The following MB21D2 variants were observed in gnomAD, a reference collection of about 807,000 sequenced individuals.
The protein encoded by MB21D2 is nucleotidyltransferase MB21D2.
Under a neutral mutation model 33.3 loss-of-function variants are expected in MB21D2, and 9 were observed. The observed-to-expected ratio is 0.27, with a 90% CI of 0.16 to 0.47. The LOEUF (loss-of-function observed/expected upper bound fraction) is 0.47, where lower values mean the gene tolerates loss of function less well. Ranked by LOEUF, MB21D2 falls within the 20% of genes least tolerant of loss-of-function variation. The pLI is 0.99. For missense variants in MB21D2, 540 were observed against 624.6 expected (o/e 0.86, Z 1.44); for synonymous variants, 241 against 236.3 (o/e 1.02, Z -0.18).
intron 1 of MB21D2, among the ~76,000 whole-genome samples, chr3:192,846,816 T>G (rs1712688860): frequency 6.6e-6 from 1 of 152,240 alleles, no homozygotes; most frequent in African/African-American, 2.4e-5. Context: ...TCTGTGGTTT[T>G]CTTGGGGCTT....
At position 192,896,657 on chromosome 3, in the gene MB21D2, C is replaced by T. The variant is rs1208309326; in HGVS notation, c.211+20973G>A. Among the ~76,000 whole-genome samples the T allele has an allele frequency of 2.0e-5, 3 of 152,194 alleles. No homozygotes were observed. In the East Asian group the frequency reaches 5.8e-4, roughly 29 times the overall value. On this transcript the variant is annotated intron_variant, in intron 1 of 1. Coordinates refer to ENST00000392452, the MANE Select transcript of MB21D2 (RefSeq NM_178496.4). ...CAAATTTTGCCTACAAAGACATTGC[C>T]ACTGGAAACTAAGTCTTCCCCTACT...
chr3:192,808,309 T>C (rs1056519384), intron 1 of MB21D2, among the ~76,000 whole-genome samples: 6 of 151,996 alleles, frequency 3.9e-5, no homozygotes, highest in African/African-American at 1.2e-4. Flanking sequence ...ATTGAGATAA[T>C]AGCACTGAAT....
intron 1 of MB21D2, among the ~76,000 whole-genome samples, chr3:192,894,550 G>T (rs1035042720): frequency 1.3e-5 from 2 of 152,106 alleles, no homozygotes; most frequent in African/African-American, 4.8e-5. Flanking sequence ...ATTTTAATAG[G>T]GAGGCAACAG....
At chr3:192,840,661 GA>G (rs1712550865) in intron 1 of MB21D2, among the ~76,000 whole-genome samples, 1 of 151,866 alleles carries the variant, frequency 6.6e-6, no homozygotes, top group Non-Finnish European at 1.5e-5. Flanking sequence ...GACTTAATGA[GA>G]AAAAAACTGC....
chr3:192,899,576 C>T (rs780307245), intron 1 of MB21D2, among the ~76,000 whole-genome samples: 3 of 151,960 alleles, frequency 2.0e-5, no homozygotes, highest in Admixed American at 6.6e-5. Flanking sequence ...TGGGTTCAGG[C>T]GTACTTAAAG....
rs1490206304 is a variant in MB21D2, at chr3:192,797,790, A to G, written c.*596T>C. 5 of 152,684 alleles carry G rather than the reference A, an allele frequency of 3.3e-5. No homozygotes were observed. The highest frequency in any genetic ancestry group is 7.3e-5 in the Non-Finnish European group (5 of 68,082). The allele number at this position is 152,684 out of a possible 1,614,324, so 9.5% of individuals were successfully genotyped here. A position where few individuals can be genotyped will look rare whatever the true frequency, so the allele number is the denominator to read the frequency against. The stretch of plus-strand genomic sequence containing the variant: ...TCTGATTTGAGGACAATTACATTCA[A>G]TGAAGTTGCTCCAAAACACAATTTG... On this transcript the variant is annotated 3_prime_UTR_variant, in exon 2 of 2. Transcript: ENST00000392452.
intron 1 of MB21D2, among the ~76,000 whole-genome samples, chr3:192,852,705 G>A (rs763027770): frequency 6.6e-6 from 1 of 152,176 alleles, no homozygotes; most frequent in Non-Finnish European, 1.5e-5. Flanking sequence ...TAACATAATT[G>A]AGAGGTGGAT....
chr3:192,859,936 G>A (rs1212422763), intron 1 of MB21D2, among the ~76,000 whole-genome samples: 1 of 152,220 alleles, frequency 6.6e-6, no homozygotes, highest in Non-Finnish European at 1.5e-5. Flanking sequence ...TGTCTGAAAT[G>A]TAAGATGCAT....
At chr3:192,897,687 C>T (rs146200519) in intron 1 of MB21D2, among the ~76,000 whole-genome samples, 6 of 152,130 alleles carry the variant, frequency 3.9e-5, no homozygotes, top group Admixed American at 6.6e-5. Context: ...CCAAATCTGA[C>T]GTATGTAAAA....
intron 1 of MB21D2, among the ~76,000 whole-genome samples, chr3:192,874,665 C>T (rs1713390353): frequency 1.3e-5 from 2 of 152,176 alleles, no homozygotes; most frequent in African/African-American, 4.8e-5. Flanking sequence ...AGCTCCTTGC[C>T]CTGGAAAGCT....
At chr3:192,891,132 G>A (rs890344922) in intron 1 of MB21D2, among the ~76,000 whole-genome samples, 2 of 152,098 alleles carry the variant, frequency 1.3e-5, no homozygotes, top group Non-Finnish European at 2.9e-5. Flanking sequence ...CATTAATTGG[G>A]TGAGTCATTT....
At chr3:192,901,700 A>C (rs1457101531) in intron 1 of MB21D2, among the ~76,000 whole-genome samples, 1 of 152,224 alleles carries the variant, frequency 6.6e-6, no homozygotes, top group East Asian at 1.9e-4. Flanking sequence ...AGGGTCACTC[A>C]CAGCACTAAA....
intron 1 of MB21D2, among the ~76,000 whole-genome samples, chr3:192,854,609 G>C (rs1207483101): frequency 2.0e-5 from 3 of 152,214 alleles, no homozygotes; most frequent in African/African-American, 4.8e-5. Context: ...AAACAGTCTT[G>C]CATTCAGAGA....
At chr3:192,836,432 T>C (rs1415541306) in intron 1 of MB21D2, among the ~76,000 whole-genome samples, 1 of 152,192 alleles carries the variant, frequency 6.6e-6, no homozygotes, top group African/African-American at 2.4e-5. Flanking sequence ...CAGAATATTA[T>C]TGTATTTGGA....
chr3:192,837,368 G>A (rs555304193), intron 1 of MB21D2, among the ~76,000 whole-genome samples: 32 of 152,270 alleles, frequency 2.1e-4, no homozygotes, highest in African/African-American at 3.8e-4. Context: ...ACATGTCTCC[G>A]TCTCGGCTCC....
At chr3:192,856,706 C>G (rs1461540270) in intron 1 of MB21D2, among the ~76,000 whole-genome samples, 1 of 152,086 alleles carries the variant, frequency 6.6e-6, no homozygotes, top group Non-Finnish European at 1.5e-5. Context: ...GTGCACTCCA[C>G]CAAGCCCAGC....
At chr3:192,842,503 G>A (rs1712595471) in intron 1 of MB21D2, among the ~76,000 whole-genome samples, 1 of 152,192 alleles carries the variant, frequency 6.6e-6, no homozygotes, top group Admixed American at 6.5e-5. Context: ...TAGTAACTAT[G>A]TAAGCTTCGT....
At chr3:192,852,378 GTTTGC>G (rs1431375444) in intron 1 of MB21D2, among the ~76,000 whole-genome samples, 4 of 152,308 alleles carry the variant, frequency 2.6e-5, no homozygotes, top group Non-Finnish European at 1.5e-5. Flanking sequence ...GCAGGTTTTT[GTTTGC>G]TTTGTTTTTT....
intron 1 of MB21D2, among the ~76,000 whole-genome samples, chr3:192,806,688 A>G (rs771055011): frequency 1.3e-5 from 2 of 152,196 alleles, no homozygotes; most frequent in Non-Finnish European, 2.9e-5. Flanking sequence ...ACCGTAACCT[A>G]GGATTATGGA....
Sources: gnomAD v4.1 joint callset for allele counts (sites outside exome capture counted in the v4.1 genomes callset) on GRCh38, gnomAD v4.1.1 for gene constraint, MANE v1.5 for transcripts, NCBI Gene and HGNC (gene_info 2026-07-23, HGNC 2026-07-21) for gene names.